IQGAP2: variants seen among roughly 807,000 people sequenced by gnomAD.
IQGAP2 encodes ras GTPase-activating-like protein IQGAP2.
IQGAP2 carries 173 observed loss-of-function variants against 201.3 expected under a neutral mutation model. The ratio of observed to expected loss-of-function variants is 0.86; its 90% CI spans 0.76 to 0.98. IQGAP2 has a LOEUF of 0.98. IQGAP2 is among the 50% of genes least tolerant of loss of function. IQGAP2 has a pLI of 0.00. For synonymous variants in IQGAP2, 675 were observed against 673.9 expected (o/e 1.00, Z -0.03); for missense variants, 1,687 against 1,864.8 (o/e 0.90, Z 1.76).
chr5:76,435,252 A>C (rs1384019498), intron 1 of IQGAP2, among the ~76,000 whole-genome samples: 1 of 151,938 alleles, frequency 6.6e-6, no homozygotes, highest in Non-Finnish European at 1.5e-5. Flanking sequence ...CTTTTAGGGT[A>C]TTAGTCATAA....
At chr5:76,669,704 T>C (rs562710242) in intron 23 of IQGAP2, among the ~76,000 whole-genome samples, 68 of 152,130 alleles carry the variant, frequency 4.5e-4, no homozygotes, top group Non-Finnish European at 7.9e-4. Flanking sequence ...AGGAGGAAAG[T>C]AGATTAGTCT....
rs1007364678 is a variant in IQGAP2 at position 76,602,156 on chromosome 5, C to T, written c.1232+1184C>T. Among the ~76,000 whole-genome samples the T allele has an allele frequency of 7.2e-5, 11 of 152,352 alleles. No homozygotes were observed. In the South Asian group the frequency reaches 1.7e-3, roughly 23 times the overall value. On this transcript the variant is annotated intron_variant, in intron 11 of 35. Transcript: ENST00000274364. ...GTTTCCATTTCCCTGCAACCACCCT[C>T]ACTTAGACTTCTCACTTTTGCTTCT...
intron 6 of IQGAP2, among the ~76,000 whole-genome samples, chr5:76,589,236 T>A (rs370675224): frequency 2.0e-5 from 3 of 146,582 alleles, no homozygotes; most frequent in Non-Finnish European, 4.5e-5. Flanking sequence ...GGCGTGAACC[T>A]GGGAGGCGGA....
chr5:76,474,201 T>C (rs1040032813), intron 2 of IQGAP2, among the ~76,000 whole-genome samples: 1 of 152,214 alleles, frequency 6.6e-6, no homozygotes, highest in Non-Finnish European at 1.5e-5. Context: ...ATAAAGGTCT[T>C]CTGACTGTTT....
chr5:76,664,716 C>T (rs915812869), intron 21 of IQGAP2, among the ~76,000 whole-genome samples: 23 of 151,668 alleles, frequency 1.5e-4, no homozygotes, highest in Non-Finnish European at 2.2e-4. Context: ...AACAGCGCCC[C>T]GTAATAGATA....
chr5:76,640,438 TG>T (rs1216995602), intron 16 of IQGAP2, among the ~76,000 whole-genome samples: 48 of 152,308 alleles, frequency 3.2e-4, no homozygotes, highest in Admixed American at 2.1e-3. Flanking sequence ...CCCACCCCTT[TG>T]TCTTTTGCCC....
In IQGAP2 at chr5:76,693,383, C is replaced by T. The variant is rs373730789; in HGVS notation, c.3934C>T (p.Arg1312Trp). The T allele has an allele frequency of 4.8e-5, 78 of 1,613,586 alleles. No individual in the cohort carries two copies. The highest frequency in any genetic ancestry group is 6.7e-5 in the Admixed American group (4 of 59,964). Residue 1312 changes from arginine to tryptophan, a missense_variant, in exon 31 of 36, where the codon CGG becomes TGG. Physicochemically the swap from Arg to Trp is moderately radical, Grantham distance 101. Coordinates refer to ENST00000274364, the MANE Select transcript of IQGAP2 (RefSeq NM_006633.5). ...KTKKLIIDVIRNQPGNTLTEI... is the reference protein window; with the variant it reads ...KTKKLIIDVIWNQPGNTLTEI... ...CAAGAAGCTGATAATTGATGTGATC[C>T]GGAACCAGCCAGGGAACACATTGAC... is the stretch of plus-strand genomic sequence containing the variant.
intron 33 of IQGAP2, chr5:76,699,406 T>A (rs920334155): frequency 1.2e-4 from 18 of 152,370 alleles, no homozygotes; most frequent in African/African-American, 4.3e-4. Flanking sequence ...TTAGCTAACG[T>A]GTGAGTAGTG....
At chr5:76,632,545 G>C (rs149569185) in intron 15 of IQGAP2, among the ~76,000 whole-genome samples, 1 of 152,318 alleles carries the variant, frequency 6.6e-6, no homozygotes, top group African/African-American at 2.4e-5. Context: ...TACACAGTTT[G>C]ATACTCATTT....
chr5:76,475,297 G>A (rs1462897624), intron 2 of IQGAP2, among the ~76,000 whole-genome samples: 2 of 152,150 alleles, frequency 1.3e-5, no homozygotes, highest in East Asian at 1.9e-4. Context: ...TGTTATAAAT[G>A]TTCTTTGCAG....
intron 2 of IQGAP2, among the ~76,000 whole-genome samples, chr5:76,476,903 C>T (rs1365853099): frequency 1.3e-5 from 2 of 152,174 alleles, no homozygotes; most frequent in South Asian, 2.1e-4. Context: ...AATAAGTGGG[C>T]GTGTGTGTCT....
At position 76,596,695 on chromosome 5, in the gene IQGAP2, A is replaced by G. The variant is rs573537086; in HGVS notation, c.908-744A>G. Among the ~76,000 whole-genome samples, 11 of 152,320 alleles carry G rather than the reference A, an allele frequency of 7.2e-5. No homozygotes were observed. The South Asian group carries it at 2.3e-3, about 32-fold the overall frequency. On this transcript the variant is annotated intron_variant, in intron 9 of 35. Coordinates refer to ENST00000274364, the MANE Select transcript of IQGAP2 (RefSeq NM_006633.5). The stretch of plus-strand genomic sequence containing the variant: ...CATGCCCAAAGCAGGAGGAATAGAG[A>G]GAAGGGGGAAGCGTTACACACTTAA...
At chr5:76,664,885 CTG>C in intron 21 of IQGAP2, 139 bp from the exon 22 acceptor site, 1 of 564,880 alleles carries the variant, frequency 1.8e-6, no homozygotes, top group Non-Finnish European at 3.1e-6. Flanking sequence ...AATGCGGTAT[CTG>C]TGAAGCACAG....
At chr5:76,530,765 C>T (rs2150206643) in intron 2 of IQGAP2, among the ~76,000 whole-genome samples, 1 of 152,292 alleles carries the variant, frequency 6.6e-6, no homozygotes, top group South Asian at 2.1e-4. Flanking sequence ...CCTGTTTCTT[C>T]CTGTCCTTGC....
At chr5:76,645,173 G>A (rs1751936622) in intron 17 of IQGAP2, among the ~76,000 whole-genome samples, 1 of 151,690 alleles carries the variant, frequency 6.6e-6, no homozygotes, top group Non-Finnish European at 1.5e-5. Context: ...TGCAAAGGAT[G>A]TGAACTCATC....
At chr5:76,467,706 T>C (rs1004066697) in intron 2 of IQGAP2, among the ~76,000 whole-genome samples, 4 of 152,196 alleles carry the variant, frequency 2.6e-5, no homozygotes, top group Admixed American at 1.3e-4. Flanking sequence ...AGAATCATTA[T>C]TCATAATGAC....
At chr5:76,614,658 C>T (rs62362045) in intron 13 of IQGAP2, among the ~76,000 whole-genome samples, 45,122 of 131,130 alleles carry the variant, frequency 0.34, 7,998 homozygotes, top group South Asian at 0.46. Context: ...CTGTGTTGCC[C>T]AGGCTGGTCT....
At chr5:76,542,290 A>G (rs574073578) in intron 2 of IQGAP2, among the ~76,000 whole-genome samples, 18 of 152,364 alleles carry the variant, frequency 1.2e-4, no homozygotes, top group Middle Eastern at 3.4e-3. Context: ...TGAGCATTTA[A>G]AAAAACAGAA....
chr5:76,498,269 A>T (rs1408444718), intron 2 of IQGAP2, among the ~76,000 whole-genome samples: 6 of 152,240 alleles, frequency 3.9e-5, no homozygotes, highest in African/African-American at 1.4e-4. Context: ...CACTCTTCTG[A>T]ATGCCACATA....
Sources: gnomAD v4.1 joint callset for allele counts (sites outside exome capture counted in the v4.1 genomes callset) on GRCh38, gnomAD v4.1.1 for gene constraint, MANE v1.5 for transcripts, NCBI Gene and HGNC (gene_info 2026-07-23, HGNC 2026-07-21) for gene names.